PHLPP1: variants seen among roughly 807,000 people sequenced by gnomAD.
PHLPP1 encodes the protein PH domain leucine-rich repeat-containing protein phosphatase 1.
Under a neutral mutation model 117.2 loss-of-function variants are expected in PHLPP1, and 42 were observed. The observed-to-expected ratio is 0.36, with a 90% CI of 0.28 to 0.46. The LOEUF is 0.46. Ranked by LOEUF, PHLPP1 falls within the 20% of genes least tolerant of loss-of-function variation. PHLPP1 has a pLI of 1.00. For missense variants in PHLPP1, 2,084 were observed against 2,241.9 expected (o/e 0.93, Z 1.42); for synonymous variants, 1,042 against 970.7 (o/e 1.07, Z -1.37).
intron 9 of PHLPP1, among the ~76,000 whole-genome samples, chr18:62,918,043 A>G (rs2144423030): frequency 6.6e-6 from 1 of 151,878 alleles, no homozygotes; most frequent in East Asian, 2.0e-4. Flanking sequence ...CGTCTCTACT[A>G]AAAAATATGA....
At chr18:62,955,683 T>C (rs1295660793) in intron 12 of PHLPP1, among the ~76,000 whole-genome samples, 1 of 152,238 alleles carries the variant, frequency 6.6e-6, no homozygotes, top group African/African-American at 2.4e-5. Context: ...ACTCATTTCA[T>C]AATTTGATAA....
chr18:62,872,179 A>G (rs1045786986), intron 4 of PHLPP1, among the ~76,000 whole-genome samples: 32 of 152,232 alleles, frequency 2.1e-4, no homozygotes, highest in Non-Finnish European at 1.0e-4. Context: ...AAGAAGTGAC[A>G]AAATCTAAGT....
At chr18:62,849,831 A>T (rs1264568818) in intron 3 of PHLPP1, among the ~76,000 whole-genome samples, 7 of 87,202 alleles carry the variant, frequency 8.0e-5, no homozygotes, top group African/African-American at 1.8e-4. Context: ...AAAAAAAAAA[A>T]AATATATATA....
At position 62,941,838 on chromosome 18, in the gene PHLPP1, A is replaced by T. The variant is rs779724624; in HGVS notation, c.3081A>T (p.Lys1027Asn). The T allele has an allele frequency of 6.2e-7, 1 of 1,614,050 alleles. No homozygotes were observed. Among genetic ancestry groups the T allele is most frequent in the Admixed American group, 1.7e-5 (1 of 60,028 alleles). The change falls in exon 11 of 17, where the codon AAA (lysine) becomes AAT (asparagine). Residue 1027 changes from lysine to asparagine, a missense_variant. Lys to Asn is a moderately conservative substitution (Grantham distance 94). This residue lies in a region of PHLPP1 where 1,365 missense variants were observed against 1,605.9 expected (regional missense o/e 0.85). Transcript: ENST00000262719. Reference protein sequence around the residue: ...LYLTNNSLTDKCVPLLTGHPH... With the variant: ...LYLTNNSLTDNCVPLLTGHPH... ...TGACAAATAACAGCCTCACAGACAA[A>T]TGTGTGCCCTTGTTAACGGGACACC...
At chr18:62,961,759 A>T (rs1482023735) in intron 13 of PHLPP1, among the ~76,000 whole-genome samples, 1 of 152,212 alleles carries the variant, frequency 6.6e-6, no homozygotes, top group Admixed American at 6.5e-5. Flanking sequence ...CTTATTGTAA[A>T]ACAAGGTATT....
At chr18:62,816,147 T>G (rs1914267024) in intron 1 of PHLPP1, among the ~76,000 whole-genome samples, 1 of 152,182 alleles carries the variant, frequency 6.6e-6, no homozygotes, top group Non-Finnish European at 1.5e-5. Flanking sequence ...TGAATTTAAG[T>G]TTTTTTCTTA....
intron 1 of PHLPP1, among the ~76,000 whole-genome samples, chr18:62,784,586 G>T (rs549145263): frequency 1.3e-5 from 2 of 152,212 alleles, no homozygotes; most frequent in Non-Finnish European, 2.9e-5. Flanking sequence ...CCACACATTT[G>T]TCTGTGTGCT....
At chr18:62,894,468 A>C (rs1450743947) in intron 4 of PHLPP1, among the ~76,000 whole-genome samples, 1 of 152,192 alleles carries the variant, frequency 6.6e-6, no homozygotes, top group Non-Finnish European at 1.5e-5. Context: ...AAGTGCTAGG[A>C]TTACAGGCCT....
intron 3 of PHLPP1, among the ~76,000 whole-genome samples, chr18:62,859,840 C>A (rs541904540): frequency 1.3e-5 from 2 of 152,316 alleles, no homozygotes; most frequent in African/African-American, 4.8e-5. Context: ...TCTTTCCAGC[C>A]TGTCTCCTAT....
chr18:62,947,218 G>T (rs1317209235), intron 12 of PHLPP1, among the ~76,000 whole-genome samples: 3 of 152,206 alleles, frequency 2.0e-5, no homozygotes, highest in Admixed American at 6.5e-5. Context: ...AGAAAGAAAA[G>T]AATTGGTACT....
chr18:62,978,269 A>G lies in PHLPP1; in HGVS notation c.3992A>G (p.Lys1331Arg). Residue 1331 changes from lysine to arginine, a missense_variant, in exon 17 of 17, where the codon AAG becomes AGG. Lys to Arg is a conservative substitution (Grantham distance 26). This residue lies in a region of PHLPP1 where 1,365 missense variants were observed against 1,605.9 expected (regional missense o/e 0.85). Transcript: ENST00000262719. This position sits in a 1 kb window ranked among gnomAD's most constrained non-coding sequence, Gnocchi z 7.0. ...QHKAIITEDG[K>R]VNGVTESTRI... Reference sequence around the variant, plus strand: ...AAACCCTTGTTCTTCCAGGATGGCAAGGTGAACGGAGTGACTGAGTCCACG... The same window carrying G: ...AAACCCTTGTTCTTCCAGGATGGCAGGGTGAACGGAGTGACTGAGTCCACG... 6.3e-7 allele frequency: 1 copy of G among 1,590,204 alleles called. No homozygotes were observed. The highest frequency in any genetic ancestry group is 8.6e-7 in the Non-Finnish European group (1 of 1,161,814).
At chr18:62,905,327 ATTAT>A (rs778638827) in intron 8 of PHLPP1, 43 bp downstream of exon 8, 1 of 1,047,832 alleles carries the variant, frequency 9.5e-7, no homozygotes, top group Non-Finnish European at 1.3e-6. Flanking sequence ...CTACTAGAAA[ATTAT>A]TTAGTAATTC....
chr18:62,833,496 G>C (rs942984281), intron 2 of PHLPP1, among the ~76,000 whole-genome samples: 20 of 152,160 alleles, frequency 1.3e-4, no homozygotes, highest in African/African-American at 4.6e-4. Flanking sequence ...TTCTACCTGT[G>C]TTCTCTTTAC....
chr18:62,866,286 C>T (rs984679928), intron 4 of PHLPP1, among the ~76,000 whole-genome samples: 1 of 150,660 alleles, frequency 6.6e-6, no homozygotes, highest in African/African-American at 2.4e-5. Context: ...CACTCTGTTG[C>T]CCAGCGGGAG....
intron 2 of PHLPP1, among the ~76,000 whole-genome samples, chr18:62,835,384 A>G (rs1382425619): frequency 1.3e-5 from 2 of 151,822 alleles, no homozygotes; most frequent in Non-Finnish European, 1.5e-5. Context: ...TTGTATTTTT[A>G]GTAGAGACTG....
chr18:62,716,215 C>A lies in PHLPP1; in HGVS notation c.532C>A (p.Leu178Ile). 1 of 1,528,316 alleles carries A rather than the reference C, an allele frequency of 6.5e-7. No individual in the cohort carries two copies. The highest frequency in any genetic ancestry group is 1.2e-5 in the South Asian group (1 of 83,030). The allele number at this position is 1,528,316 out of a possible 1,614,324, so 94.7% of individuals were successfully genotyped here. A position where few individuals can be genotyped will look rare whatever the true frequency, so the allele number is the denominator to read the frequency against. ...CCGGAGCCTGGACAGGAAGACGCTGCTTCTGAAGCACCGGCAGACGCTGCA... is the reference window on the plus strand; with the variant it reads ...CCGGAGCCTGGACAGGAAGACGCTGATTCTGAAGCACCGGCAGACGCTGCA... ...CTRSLDRKTL[L>I]LKHRQTLQLQ... Residue 178 changes from leucine (L) to isoleucine (I), a missense_variant, in exon 1 of 17, where the codon CTT becomes ATT. Physicochemically the swap from Leu to Ile is conservative, Grantham distance 5. Transcript: ENST00000262719. The surrounding 1 kb of genome is among the most constrained non-coding windows in gnomAD (Gnocchi z 5.7).
At chr18:62,838,997 A>G (rs1443122712) in intron 3 of PHLPP1, 88 bp downstream of exon 3, 2 of 1,363,758 alleles carry the variant, frequency 1.5e-6, no homozygotes, top group Non-Finnish European at 2.0e-6. Flanking sequence ...AAATATGGTT[A>G]GTTACACACA....
intron 1 of PHLPP1, among the ~76,000 whole-genome samples, chr18:62,757,907 C>T (rs1232256951): frequency 6.6e-6 from 1 of 152,136 alleles, no homozygotes; most frequent in Non-Finnish European, 1.5e-5. Flanking sequence ...TGTTTGTTTT[C>T]GTGAGCAAGG....
chr18:62,863,430 T>C (rs1345887196), intron 4 of PHLPP1, among the ~76,000 whole-genome samples: 1 of 152,096 alleles, frequency 6.6e-6, no homozygotes, highest in South Asian at 2.1e-4. Context: ...CTTGAACTCT[T>C]GGACTCAAGT....
Sources: gnomAD v4.1 joint callset for allele counts (sites outside exome capture counted in the v4.1 genomes callset) on GRCh38, gnomAD v4.1.1 for gene constraint, gnomAD v4.1.1 regional missense constraint, Gnocchi (gnomAD v3.1) non-coding constraint, MANE v1.5 for transcripts, NCBI Gene and HGNC (gene_info 2026-07-23, HGNC 2026-07-21) for gene names.